THADA: variants seen among roughly 807,000 people sequenced by gnomAD.
The protein encoded by THADA is tRNA (32-2'-O)-methyltransferase regulator THADA.
Under a neutral mutation model 219.8 loss-of-function variants are expected in THADA, and 213 were observed. The observed-to-expected ratio is 0.97, with a 90% CI of 0.87 to 1.09. THADA has a LOEUF of 1.09. Ranked by LOEUF, THADA falls within the 50% of genes least tolerant of loss-of-function variation. The probability of loss-of-function intolerance (pLI) is 0.00; values close to 1 mark genes in which losing one functional copy is unlikely to be tolerated. For missense variants in THADA, 2,956 were observed against 2,311.3 expected (o/e 1.28, Z -5.72); for synonymous variants, 1,018 against 828.9 (o/e 1.23, Z -3.92).
chr2:43,529,642 G>T (rs949985008), intron 21 of THADA, among the ~76,000 whole-genome samples: 4 of 152,150 alleles, frequency 2.6e-5, no homozygotes, highest in Admixed American at 6.5e-5. Flanking sequence ...TAAAAATCAA[G>T]ATTTTGTATA....
intron 28 of THADA, among the ~76,000 whole-genome samples, chr2:43,403,880 C>T (rs536184580): frequency 6.6e-6 from 1 of 152,130 alleles, no homozygotes; most frequent in South Asian, 2.1e-4. Context: ...GCCAGCCATG[C>T]CATTATGGTC....
chr2:43,585,577 T>C (rs4952992), intron 7 of THADA, among the ~76,000 whole-genome samples: 1 of 135,312 alleles, frequency 7.4e-6, no homozygotes, highest in South Asian at 2.3e-4. Context: ...GATAGATAGA[T>C]AGAAAGAAAT....
At chr2:43,467,076 G>A (rs1684331762) in intron 26 of THADA, among the ~76,000 whole-genome samples, 1 of 150,806 alleles carries the variant, frequency 6.6e-6, no homozygotes, top group Admixed American at 6.6e-5. Context: ...CAGCTACTCG[G>A]GAGGCTGAGG....
rs1558892406 is a variant in THADA, at chr2:43,515,258, TATATAATATATA to T, written c.3375-6490_3375-6479del. ...ATAATATATAATATATTATATATAA[TATATAATATATA>T]ATATATAATATATTATATATAATAT... On this transcript the variant is annotated intron_variant, in intron 22 of 37. Coordinates refer to ENST00000405975, the MANE Select transcript of THADA (RefSeq NM_022065.5). Among the ~76,000 whole-genome samples, 6 of 60,174 alleles carry T rather than the reference TATATAATATATA, an allele frequency of 1.0e-4. 2 individuals are homozygous for T. Among genetic ancestry groups the T allele is most frequent in the African/African-American group, 3.8e-4 (6 of 15,884 alleles). 39.5% of individuals were successfully genotyped at this position (60,174 alleles called of 152,430 possible).
chr2:43,236,827 C>T (rs568816047), intron 36 of THADA, among the ~76,000 whole-genome samples: 26 of 150,122 alleles, frequency 1.7e-4, no homozygotes, highest in African/African-American at 2.7e-4. Flanking sequence ...TTTGGAAGGC[C>T]GAGGCGGGTG....
chr2:43,534,913 A>G (rs1159022707), intron 21 of THADA, among the ~76,000 whole-genome samples: 2 of 152,072 alleles, frequency 1.3e-5, no homozygotes, highest in Non-Finnish European at 2.9e-5. Context: ...TTTTAGAGGA[A>G]TCTCCACACT....
intron 26 of THADA, among the ~76,000 whole-genome samples, chr2:43,431,750 C>T (rs530029160): frequency 0.012 from 772 of 66,288 alleles, 11 homozygotes; most frequent in Non-Finnish European, 0.017. Context: ...CTGCAAGCTC[C>T]GCCTCGCGGG....
At chr2:43,563,687 G>A (rs1476134493) in intron 15 of THADA, 1 of 151,846 alleles carries the variant, frequency 6.6e-6, no homozygotes, top group African/African-American at 2.4e-5. Context: ...TCAATATTGT[G>A]GCATTTGATT....
chr2:43,578,479 A>G, intron 9 of THADA, 34 bp downstream of exon 9: 2 of 1,537,180 alleles, frequency 1.3e-6, no homozygotes, highest in Non-Finnish European at 1.8e-6. Flanking sequence ...CTAACTCTCA[A>G]TAAAGTACAA....
chr2:43,478,211 A>G (rs1685772571), intron 26 of THADA, among the ~76,000 whole-genome samples: 1 of 152,244 alleles, frequency 6.6e-6, no homozygotes, highest in Non-Finnish European at 1.5e-5. Context: ...ATTTTATTTA[A>G]AAGTTCAATG....
chr2:43,249,865 T>C (rs904929649), intron 36 of THADA, among the ~76,000 whole-genome samples: 8 of 152,234 alleles, frequency 5.3e-5, no homozygotes, highest in African/African-American at 1.9e-4. Flanking sequence ...TTCTTCGGTT[T>C]ATTTCCAGAT....
At chr2:43,347,914 G>C (rs1372469760) in intron 29 of THADA, among the ~76,000 whole-genome samples, 1 of 152,138 alleles carries the variant, frequency 6.6e-6, no homozygotes, top group Non-Finnish European at 1.5e-5. Flanking sequence ...AGACGGCAAA[G>C]ATTTCTTCAG....
chr2:43,363,334 A>T (rs1161170283), intron 29 of THADA, among the ~76,000 whole-genome samples: 2 of 152,200 alleles, frequency 1.3e-5, no homozygotes, highest in African/African-American at 4.8e-5. Context: ...GGCAATAAAA[A>T]TTTTTTAGCC....
At chr2:43,440,184 T>C (rs1015785283) in intron 26 of THADA, among the ~76,000 whole-genome samples, 1 of 152,202 alleles carries the variant, frequency 6.6e-6, no homozygotes, top group Non-Finnish European at 1.5e-5. Context: ...TTTTTTTCCT[T>C]ACAAATAATC....
At chr2:43,350,218 T>G (rs1668095569) in intron 29 of THADA, among the ~76,000 whole-genome samples, 1 of 152,120 alleles carries the variant, frequency 6.6e-6, no homozygotes, top group South Asian at 2.1e-4. Flanking sequence ...CAGAAGTATT[T>G]TATGGCTCTA....
chr2:43,502,331 T>A (rs931960076), intron 24 of THADA, among the ~76,000 whole-genome samples: 1 of 152,102 alleles, frequency 6.6e-6, no homozygotes, highest in African/African-American at 2.4e-5. Context: ...ACGCCGGTAA[T>A]CCCAGCACTT....
chr2:43,503,007 C>G (rs998116579), intron 24 of THADA, among the ~76,000 whole-genome samples: 3 of 152,012 alleles, frequency 2.0e-5, no homozygotes, highest in African/African-American at 7.2e-5. Context: ...AAGAAAGATG[C>G]AAAATAAAAC....
chr2:43,417,357 A>C (rs1459528684), intron 28 of THADA, among the ~76,000 whole-genome samples: 1 of 152,104 alleles, frequency 6.6e-6, no homozygotes, highest in Admixed American at 6.6e-5. Context: ...TTCTCTCTTT[A>C]CTAAGACACT....
chr2:43,489,546 G>C (rs956170236), intron 25 of THADA, among the ~76,000 whole-genome samples: 2 of 152,024 alleles, frequency 1.3e-5, no homozygotes, highest in African/African-American at 4.8e-5. Flanking sequence ...GACATTTTGA[G>C]TCATCTGAAT....
Sources: gnomAD v4.1 joint callset for allele counts (sites outside exome capture counted in the v4.1 genomes callset) on GRCh38, gnomAD v4.1.1 for gene constraint, MANE v1.5 for transcripts, NCBI Gene and HGNC (gene_info 2026-07-23, HGNC 2026-07-21) for gene names.